Variants in FOXI2 observed in about 807,000 individuals in gnomAD.
FOXI2 encodes forkhead box I2.
A neutral mutation model predicts 14.3 loss-of-function variants in FOXI2; 17 were observed. That is an observed-to-expected ratio of 1.19 (90% CI 0.81 to 1.78). FOXI2 has a LOEUF of 1.78. FOXI2 is among the 40% of genes most tolerant of loss of function. The probability of loss-of-function intolerance (pLI) is 0.00; values close to 1 mark genes in which losing one functional copy is unlikely to be tolerated. For missense variants in FOXI2, 541 were observed against 460.0 expected, an observed-to-expected ratio of 1.18 and a Z score of -1.61; for synonymous variants, 240 against 218.8, an observed-to-expected ratio of 1.10 and a Z score of -0.85.
chr10:127,737,914 A>T, intron 1 of FOXI2, 130 bp downstream of exon 1: 1 of 1,388,364 alleles, frequency 7.2e-7, no homozygotes, highest in Non-Finnish European at 9.7e-7. Context: ...CCCGGGGAGG[A>T]GGGAGAAGGG....
rs1211448917 is a variant in FOXI2, at chr10:127,740,082, ACC to A, written c.*1119_*1120del. The A allele has an allele frequency of 2.1e-4, 27 of 125,720 alleles. 1 individual carries two copies. The highest frequency in any genetic ancestry group is 1.4e-3 in the Admixed American group (17 of 12,504). The allele number at this position is 125,720 out of a possible 1,614,324, so 7.8% of individuals were successfully genotyped here. ...CACCCACACTCATACTCACACTCACACCCACACTCACACTCACACCCACACTC... is the reference window on the plus strand; with the variant it reads ...CACCCACACTCATACTCACACTCACACACACTCACACTCACACCCACACTC... On this transcript the variant is annotated 3_prime_UTR_variant, in exon 2 of 2. Coordinates refer to ENST00000388920, the MANE Select transcript of FOXI2 (RefSeq NM_207426.3).
In FOXI2 at chr10:127,738,880, C is replaced by A; in HGVS notation, c.872C>A (p.Pro291His). 6.2e-7 allele frequency: 1 copy of A among 1,607,132 alleles called. No homozygotes were observed. Among genetic ancestry groups the A allele is most frequent in the Non-Finnish European group, 8.5e-7 (1 of 1,179,300 alleles). Residue 291 changes from proline to histidine, a missense_variant, in exon 2 of 2, where the codon CCT becomes CAT. By Grantham distance (77) the Pro-to-His change is moderately conservative. Transcript: ENST00000388920. ...THAPQTLNPS[P>H]GFAPGHQTAA... ...GCTCCCCAGACCCTTAACCCCTCCC[C>A]TGGCTTCGCCCCTGGCCACCAGACC...
rs1564749044 is a variant in FOXI2, at chr10:127,739,827, C to CCACACTCACACT, written c.*867_*868insTCACACTCACAC. ...CCCACACTCACACCCACACCCACAC[C>CCACACTCACACT]CACACCCACACTCACACTCACACTC... is the stretch of plus-strand genomic sequence containing the variant. On this transcript the variant is annotated 3_prime_UTR_variant, in exon 2 of 2. Coordinates refer to ENST00000388920, the MANE Select transcript of FOXI2 (RefSeq NM_207426.3). 1 of 71,866 alleles carries CCACACTCACACT rather than the reference C, an allele frequency of 1.4e-5. No individual in the cohort carries two copies. Among genetic ancestry groups the CCACACTCACACT allele is most frequent in the African/African-American group, 6.0e-5 (1 of 16,546 alleles). 4.5% of individuals were successfully genotyped at this position (71,866 alleles called of 1,614,324 possible).
Position 127,737,569 on chromosome 10 carries a change from G to T in FOXI2, c.296G>T (p.Arg99Met). 6.5e-7 allele frequency: 1 copy of T among 1,547,364 alleles called. No individual in the cohort carries two copies. The change falls in exon 1 of 2, where the codon AGG becomes ATG. Residue 99 changes from arginine to methionine, a missense_variant. Physicochemically the swap from Arg to Met is moderately conservative, Grantham distance 91 (BLOSUM62 -1). Coordinates refer to ENST00000388920, the MANE Select transcript of FOXI2 (RefSeq NM_207426.3). ...CTCTCCGGCCAGCAGGAGCTGCTGA[G>T]GCTGGTGCGGCCGCCCTACTCCTAC... Reference protein sequence around the residue: ...LSLSGQQELLRLVRPPYSYSA... With the variant: ...LSLSGQQELLMLVRPPYSYSA...
chr10:127,737,858 G>A, intron 1 of FOXI2, 74 bp downstream of exon 1: 7 of 1,551,194 alleles, frequency 4.5e-6, no homozygotes, highest in Non-Finnish European at 6.1e-6. Flanking sequence ...CTCCGGGGGT[G>A]GGAGCACCTT....
rs914796047 is a variant in FOXI2 at position 127,739,757 on chromosome 10, T to A, written c.*792T>A. On this transcript the variant is annotated 3_prime_UTR_variant, in exon 2 of 2. Coordinates refer to ENST00000388920, the MANE Select transcript of FOXI2 (RefSeq NM_207426.3). ...CCAGCACCCAGGAGTTCCCCAAGGGTCCAGGTTTGTGCCACCCACACCCAC... is the reference window on the plus strand; with the variant it reads ...CCAGCACCCAGGAGTTCCCCAAGGGACCAGGTTTGTGCCACCCACACCCAC... 2 of 149,530 alleles carry A rather than the reference T, an allele frequency of 1.3e-5. No individual in the cohort carries two copies. The highest frequency in any genetic ancestry group is 3.0e-5 in the Non-Finnish European group (2 of 67,716). 9.3% of individuals were successfully genotyped at this position (149,530 alleles called of 1,614,324 possible).
chr10:127,738,760 C>G lies in FOXI2; in HGVS notation c.752C>G (p.Ala251Gly). ...ACCTGCTTCTCCGGTTTCGCTTCTGCTATGAGCGCTCTGGCTGGCGGCCTT... is the reference window on the plus strand; with the variant it reads ...ACCTGCTTCTCCGGTTTCGCTTCTGGTATGAGCGCTCTGGCTGGCGGCCTT... ...AATCFSGFAS[A>G]MSALAGGLGT... The change falls in exon 2 of 2, where the codon GCT becomes GGT. Residue 251 changes from alanine to glycine, a missense_variant. By Grantham distance (60) the Ala-to-Gly change is moderately conservative. Coordinates refer to ENST00000388920, the MANE Select transcript of FOXI2 (RefSeq NM_207426.3). 1 of 1,605,492 alleles carries G rather than the reference C, an allele frequency of 6.2e-7. No homozygotes were observed. Among genetic ancestry groups the G allele is most frequent in the Non-Finnish European group, 8.5e-7 (1 of 1,176,636 alleles).
Position 127,737,197 on chromosome 10 carries a change from T to G in FOXI2, c.-77T>G, listed in dbSNP as rs1046322320. ...GGCCGGGCTGGTCGCACCCGGGCGC[T>G]GCTGGCGGCCAAGCTGGATGGGTCG... On this transcript the variant is annotated 5_prime_UTR_variant, in exon 1 of 2. Coordinates refer to ENST00000388920, the MANE Select transcript of FOXI2 (RefSeq NM_207426.3). The G allele has an allele frequency of 7.8e-6, 11 of 1,414,046 alleles. No individual in the cohort carries two copies. The Admixed American group carries it at 1.6e-4, about 21-fold the overall frequency. The allele number at this position is 1,414,046 out of a possible 1,614,324, so 87.6% of individuals were successfully genotyped here.
chr10:127,740,469 C>T lies in FOXI2; in HGVS notation c.*1504C>T, dbSNP rs919985866. The T allele has an allele frequency of 6.6e-6, 1 of 151,892 alleles. No homozygotes were observed. The highest frequency in any genetic ancestry group is 2.4e-5 in the African/African-American group (1 of 41,320). 9.4% of individuals were successfully genotyped at this position (151,892 alleles called of 1,614,324 possible). On this transcript the variant is annotated 3_prime_UTR_variant, in exon 2 of 2. Transcript: ENST00000388920. ...GGACCTAAGTGCCCCAGTCAGATGC[C>T]CTGAGTCTTTGTGGCATCTGGGACT... is the stretch of plus-strand genomic sequence containing the variant.
chr10:127,740,190 C>CTG lies in FOXI2; in HGVS notation c.*1225_*1226insTG, dbSNP rs1591212713. 4 of 149,632 alleles carry CTG rather than the reference C, an allele frequency of 2.7e-5. No homozygotes were observed. Among genetic ancestry groups the CTG allele is most frequent in the East Asian group, 4.0e-4 (2 of 4,964 alleles). The allele number at this position is 149,632 out of a possible 1,614,324, so 9.3% of individuals were successfully genotyped here. Reference sequence around the variant, plus strand: ...TCATACTCACACACCCACACCCACACCCACACCCACACCCACACCCACACC... The same window carrying CTG: ...TCATACTCACACACCCACACCCACACTGCCACACCCACACCCACACCCACACC... On this transcript the variant is annotated 3_prime_UTR_variant, in exon 2 of 2. Coordinates refer to ENST00000388920, the MANE Select transcript of FOXI2 (RefSeq NM_207426.3).
rs1846466257 is a variant in FOXI2 at position 127,739,513 on chromosome 10, G to A, written c.*548G>A. 1 of 153,644 alleles carries A rather than the reference G, an allele frequency of 6.5e-6. No individual in the cohort carries two copies. Among genetic ancestry groups the A allele is most frequent in the Admixed American group, 6.5e-5 (1 of 15,384 alleles). The allele number at this position is 153,644 out of a possible 1,614,324, so 9.5% of individuals were successfully genotyped here. ...GCTCCAGGTGGGCCAGGAGCCTGCA[G>A]TGAGGGGATCTGAGACAGTTGGCAT... On this transcript the variant is annotated 3_prime_UTR_variant, in exon 2 of 2. Coordinates refer to ENST00000388920, the MANE Select transcript of FOXI2 (RefSeq NM_207426.3).
At position 127,737,505 on chromosome 10, in the gene FOXI2, C is replaced by T. The variant is rs1846431104; in HGVS notation, c.232C>T (p.Pro78Ser). 1 of 1,407,604 alleles carries T rather than the reference C, an allele frequency of 7.1e-7. No individual in the cohort carries two copies. The highest frequency in any genetic ancestry group is 9.2e-7 in the Non-Finnish European group (1 of 1,091,294). 87.2% of individuals were successfully genotyped at this position (1,407,604 alleles called of 1,614,324 possible). A position where few individuals can be genotyped will look rare whatever the true frequency, so the allele number is the denominator to read the frequency against. Residue 78 changes from proline to serine, a missense_variant, in exon 1 of 2, where the codon CCG becomes TCG. Coordinates refer to ENST00000388920, the MANE Select transcript of FOXI2 (RefSeq NM_207426.3). ...GGCTCCCGGCCCGCTCCTCGGCGCC[C>T]CGGGCGGCCTGGCGGGCGCCGACCT... is the stretch of plus-strand genomic sequence containing the variant. Reference protein sequence around the residue: ...YGAPGPLLGAPGGLAGADLAW... With the variant: ...YGAPGPLLGASGGLAGADLAW...
Position 127,741,178 on chromosome 10 carries a change from A to G in FOXI2, c.*2213A>G, listed in dbSNP as rs1401619933. 6.6e-6 allele frequency: 1 copy of G among 152,246 alleles called. No homozygotes were observed. The highest frequency in any genetic ancestry group is 1.5e-5 in the Non-Finnish European group (1 of 68,044). 9.4% of individuals were successfully genotyped at this position (152,246 alleles called of 1,614,324 possible). A position where few individuals can be genotyped will look rare whatever the true frequency, so the allele number is the denominator to read the frequency against. On this transcript the variant is annotated 3_prime_UTR_variant, in exon 2 of 2. Coordinates refer to ENST00000388920, the MANE Select transcript of FOXI2 (RefSeq NM_207426.3). ...AAATGCTAAAAATAAAGACCAATAT[A>G]ACATACATAGCTGGCATGTGTATGC...
chr10:127,740,209 C>CACT lies in FOXI2; in HGVS notation c.*1244_*1245insACT, dbSNP rs1846507466. On this transcript the variant is annotated 3_prime_UTR_variant, in exon 2 of 2. Transcript: ENST00000388920. ...CCCACACCCACACCCACACCCACAC[C>CACT]CACACCCACACTCACACAGGCTCAT... 7.1e-6 allele frequency: 1 copy of CACT among 141,344 alleles called. No homozygotes were observed. The allele number at this position is 141,344 out of a possible 1,614,324, so 8.8% of individuals were successfully genotyped here. A position where few individuals can be genotyped will look rare whatever the true frequency, so the allele number is the denominator to read the frequency against.
chr10:127,739,228 G>T lies in FOXI2; in HGVS notation c.*263G>T. ...GCCTCTAAGTCCAGCCGCCCTGGGCGTCTAGAACCTGTGCTCTCGAGGGAT... is the reference window on the plus strand; with the variant it reads ...GCCTCTAAGTCCAGCCGCCCTGGGCTTCTAGAACCTGTGCTCTCGAGGGAT... On this transcript the variant is annotated 3_prime_UTR_variant, in exon 2 of 2. Coordinates refer to ENST00000388920, the MANE Select transcript of FOXI2 (RefSeq NM_207426.3). 2.1e-6 allele frequency: 1 copy of T among 466,264 alleles called. No homozygotes were observed. Among genetic ancestry groups the T allele is most frequent in the Non-Finnish European group, 3.7e-6 (1 of 266,736 alleles). The allele number at this position is 466,264 out of a possible 1,614,324, so 28.9% of individuals were successfully genotyped here. A position where few individuals can be genotyped will look rare whatever the true frequency, so the allele number is the denominator to read the frequency against.
At chr10:127,737,925 G>A (rs1016847359) in intron 1 of FOXI2, 141 bp downstream of exon 1, 26 of 1,342,528 alleles carry the variant, frequency 1.9e-5, no homozygotes, top group African/African-American at 5.9e-5. Context: ...GGGAGAAGGG[G>A]AAGAAGTGCT....
At position 127,739,594 on chromosome 10, in the gene FOXI2, GAGA is replaced by G. The variant is rs1490663285; in HGVS notation, c.*632_*634del. 1 of 152,700 alleles carries G rather than the reference GAGA, an allele frequency of 6.5e-6. No homozygotes were observed. The highest frequency in any genetic ancestry group is 6.5e-5 in the Admixed American group (1 of 15,282). 9.5% of individuals were successfully genotyped at this position (152,700 alleles called of 1,614,324 possible). Reference sequence around the variant, plus strand: ...GGTTGGAACTGCTGGTGGTGGGAGGGAGAAGCACTGCGTGGGCAGAAAGCGCCC... The same window carrying G: ...GGTTGGAACTGCTGGTGGTGGGAGGGAGCACTGCGTGGGCAGAAAGCGCCC... On this transcript the variant is annotated 3_prime_UTR_variant, in exon 2 of 2. Transcript: ENST00000388920.
chr10:127,738,876 T>C lies in FOXI2; in HGVS notation c.868T>C (p.Ser290Pro). ...CCACGCTCCCCAGACCCTTAACCCCTCCCCTGGCTTCGCCCCTGGCCACCA... is the reference window on the plus strand; with the variant it reads ...CCACGCTCCCCAGACCCTTAACCCCCCCCCTGGCTTCGCCCCTGGCCACCA... ...ATHAPQTLNP[S>P]PGFAPGHQTA... The change falls in exon 2 of 2, where the codon TCC (serine) becomes CCC (proline). Residue 290 changes from serine (S) to proline (P), a missense_variant. Transcript: ENST00000388920. The C allele has an allele frequency of 6.2e-7, 1 of 1,606,364 alleles. No individual in the cohort carries two copies. The highest frequency in any genetic ancestry group is 2.2e-5 in the East Asian group (1 of 44,758).
Position 127,739,151 on chromosome 10 carries a change from C to G in FOXI2, c.*186C>G. The G allele has an allele frequency of 1.7e-6, 1 of 589,894 alleles. No individual in the cohort carries two copies. Among genetic ancestry groups the G allele is most frequent in the Non-Finnish European group, 2.9e-6 (1 of 341,410 alleles). 36.5% of individuals were successfully genotyped at this position (589,894 alleles called of 1,614,324 possible). A position where few individuals can be genotyped will look rare whatever the true frequency, so the allele number is the denominator to read the frequency against. On this transcript the variant is annotated 3_prime_UTR_variant, in exon 2 of 2. Transcript: ENST00000388920. ...GGCTCTTGGGCTTTGGGGTGGGTGGCCCTTCTGCTGTGCACCCCTCACCCA... is the reference window on the plus strand; with the variant it reads ...GGCTCTTGGGCTTTGGGGTGGGTGGGCCTTCTGCTGTGCACCCCTCACCCA...
Sources: allele counts gnomAD v4.1 joint callset, GRCh38; gene constraint gnomAD v4.1.1; transcripts MANE v1.5; gene names NCBI Gene and HGNC (gene_info 2026-07-23, HGNC 2026-07-21).